TARBP1: variants seen among roughly 807,000 people sequenced by gnomAD.
TARBP1 encodes tRNA guanosine 2 -O-methyltransferase TARBP1.
In TARBP1, 144 loss-of-function variants were observed where a neutral mutation model predicts 178.6. The ratio of observed to expected loss-of-function variants is 0.81; its 90% CI spans 0.70 to 0.93. The LOEUF (loss-of-function observed/expected upper bound fraction) is 0.93. TARBP1 is among the 40% of genes least tolerant of loss of function. The probability of loss-of-function intolerance (pLI) is 0.00; values close to 1 mark genes in which losing one functional copy is unlikely to be tolerated. For missense variants in TARBP1, 2,067 were observed against 2,011.7 expected, an observed-to-expected ratio of 1.03 and a Z score of -0.53; for synonymous variants, 787 against 781.0, an observed-to-expected ratio of 1.01 and a Z score of -0.13.
intron 2 of TARBP1, 88 bp from the exon 3 acceptor site, chr1:234,471,345 T>G: frequency 1.2e-6 from 1 of 812,612 alleles, no homozygotes; most frequent in Non-Finnish European, 2.0e-6. Flanking sequence ...TCACAGTAGC[T>G]CTTCTGTTTC....
chr1:234,470,667 G>C (rs560397114), intron 3 of TARBP1, among the ~76,000 whole-genome samples: 76 of 151,808 alleles, frequency 5.0e-4, no homozygotes, highest in African/African-American at 1.7e-3. Context: ...CCAGCCTGGA[G>C]TGCAGCAGTG....
chr1:234,478,954 G>T lies in TARBP1; in HGVS notation c.150C>A (p.Gly50=). The T allele has an allele frequency of 2.1e-6, 3 of 1,459,092 alleles. No individual in the cohort carries two copies. Among genetic ancestry groups the T allele is most frequent in the Non-Finnish European group, 2.7e-6 (3 of 1,114,420 alleles). 90.4% of individuals were successfully genotyped at this position (1,459,092 alleles called of 1,614,324 possible). A position where few individuals can be genotyped will look rare whatever the true frequency, so the allele number is the denominator to read the frequency against. Residue 50 remains glycine (G), a synonymous_variant, in exon 1 of 30, where the codon GGC becomes GGA. Coordinates refer to ENST00000040877, the MANE Select transcript of TARBP1 (RefSeq NM_005646.4). ...LQRLEDEEAR[G]SGGAGALPEA... ...CCGGGAGCGCGCCTGCGCCCCCGCT[G>T]CCGCGCGCCTCCTCGTCCTCGAGCC...
intron 6 of TARBP1, among the ~76,000 whole-genome samples, 171 bp from the exon 7 acceptor site, chr1:234,460,567 GT>G (rs1667751200): frequency 1.3e-5 from 2 of 152,238 alleles, no homozygotes; most frequent in Admixed American, 6.5e-5. Flanking sequence ...TGGGGAGGAT[GT>G]GGAGAACCCA....
chr1:234,475,838 C>G (rs1558266806), intron 1 of TARBP1, among the ~76,000 whole-genome samples: 1 of 152,232 alleles, frequency 6.6e-6, no homozygotes, highest in Non-Finnish European at 1.5e-5. Flanking sequence ...TTTCGAGACT[C>G]CAGGCTTCAG....
At position 234,430,771 on chromosome 1, in the gene TARBP1, C is replaced by T. The variant is rs1293635461; in HGVS notation, c.2395-470G>A. ...CAAATAATTCCTTCTATCAGCTGCA[C>T]GCTACTTTTGGAGAAGTCACGTAGT... On this transcript the variant is annotated intron_variant, in intron 14 of 29. Transcript: ENST00000040877. Among the ~76,000 whole-genome samples the T allele has an allele frequency of 3.3e-5, 5 of 152,274 alleles. No individual in the cohort carries two copies. The South Asian group carries it at 8.3e-4, about 25-fold the overall frequency.
At chr1:234,396,827 A>G (rs1659981348) in intron 26 of TARBP1, among the ~76,000 whole-genome samples, 2 of 152,040 alleles carry the variant, frequency 1.3e-5, no homozygotes, top group South Asian at 4.2e-4. Context: ...AACAAGTCAC[A>G]TGTGAGTCCT....
intron 25 of TARBP1, among the ~76,000 whole-genome samples, chr1:234,398,990 G>GT (rs1660412570): frequency 6.6e-6 from 1 of 152,200 alleles, no homozygotes; most frequent in African/African-American, 2.4e-5. Context: ...CTGAATTCTG[G>GT]TTTGACTAAT....
intron 10 of TARBP1, 33 bp downstream of exon 10, chr1:234,450,395 T>C: frequency 3.3e-6 from 5 of 1,530,826 alleles, no homozygotes; most frequent in African/African-American, 2.8e-5. Flanking sequence ...ATATTTTGGT[T>C]ATATCAATCC....
rs374906747 is a variant in TARBP1, at chr1:234,453,329, G to GTT, written c.1723-2765_1723-2764dup. On this transcript the variant is annotated intron_variant, in intron 9 of 29. Coordinates refer to ENST00000040877, the MANE Select transcript of TARBP1 (RefSeq NM_005646.4). ...GAAACTCTCTGTACTTTTTTTGTGTGTTTTTTTTTTTTTTTACATTATTAC... is the reference window on the plus strand; with the variant it reads ...GAAACTCTCTGTACTTTTTTTGTGTGTTTTTTTTTTTTTTTTTACATTATTAC... Among the ~76,000 whole-genome samples the GTT allele has an allele frequency of 3.1e-3, 278 of 89,990 alleles. 3 individuals carry two copies. The highest frequency in any genetic ancestry group is 6.8e-3 in the African/African-American group (196 of 28,904). The allele number at this position is 89,990 out of a possible 152,430, so 59.0% of individuals were successfully genotyped here.
intron 21 of TARBP1, among the ~76,000 whole-genome samples, chr1:234,419,097 T>C (rs1338844073): frequency 6.6e-6 from 1 of 151,490 alleles, no homozygotes; most frequent in Non-Finnish European, 1.5e-5. Context: ...GCGTGAACCC[T>C]GGGGGGCGGA....
chr1:234,446,677 A>G, intron 12 of TARBP1, 126 bp downstream of exon 12: 5 of 243,946 alleles, frequency 2.0e-5, no homozygotes, highest in Non-Finnish European at 3.0e-5. Context: ...TTTCTTAAAT[A>G]TATATAATTT....
intron 14 of TARBP1, among the ~76,000 whole-genome samples, chr1:234,430,777 T>G (rs1664354165): frequency 6.6e-6 from 1 of 152,214 alleles, no homozygotes; most frequent in African/African-American, 2.4e-5. Context: ...TGCACGCTAC[T>G]TTTGGAGAAG....
intron 24 of TARBP1, 57 bp from the exon 25 acceptor site, chr1:234,401,319 G>T: frequency 7.5e-7 from 1 of 1,334,984 alleles, no homozygotes; most frequent in Non-Finnish European, 1.1e-6. Flanking sequence ...CTGGTGAGGG[G>T]AGAATCAATT....
At chr1:234,418,978 C>T (rs755240439) in intron 21 of TARBP1, among the ~76,000 whole-genome samples, 2 of 152,088 alleles carry the variant, frequency 1.3e-5, no homozygotes. Context: ...CGAGACCATC[C>T]TGGCTAACAC....
intron 28 of TARBP1, 69 bp from the exon 29 acceptor site, chr1:234,392,621 A>T (rs1659498754): frequency 6.9e-7 from 1 of 1,446,206 alleles, no homozygotes; most frequent in South Asian, 1.2e-5. Context: ...AATTAGAGTT[A>T]AAAAACGTAT....
chr1:234,453,988 AC>A (rs1255733396), intron 9 of TARBP1, among the ~76,000 whole-genome samples: 1 of 152,238 alleles, frequency 6.6e-6, no homozygotes, highest in African/African-American at 2.4e-5. Context: ...GCATTACAGA[AC>A]CGAAAAATTA....
intron 26 of TARBP1, among the ~76,000 whole-genome samples, chr1:234,394,572 G>T (rs1336553123): frequency 2.6e-5 from 4 of 152,316 alleles, no homozygotes; most frequent in Non-Finnish European, 5.9e-5. Context: ...ACAGAAAGGG[G>T]TTACTAATGT....
intron 6 of TARBP1, among the ~76,000 whole-genome samples, chr1:234,463,598 C>T (rs577837410): frequency 6.6e-6 from 1 of 152,232 alleles, no homozygotes; most frequent in Non-Finnish European, 1.5e-5. Flanking sequence ...CTGCAGCACA[C>T]CTTCTAAAAT....
At chr1:234,402,388 T>A (rs1015856675) in intron 24 of TARBP1, among the ~76,000 whole-genome samples, 3 of 148,560 alleles carry the variant, frequency 2.0e-5, no homozygotes, top group African/African-American at 7.9e-5. Context: ...TAATATACTA[T>A]TTTTTGAGAG....
Sources: gnomAD v4.1 joint callset for allele counts (sites outside exome capture counted in the v4.1 genomes callset) on GRCh38, gnomAD v4.1.1 for gene constraint, MANE v1.5 for transcripts, NCBI Gene and HGNC (gene_info 2026-07-23, HGNC 2026-07-21) for gene names.